CHCHD3: variants seen among roughly 807,000 people sequenced by gnomAD.
The protein encoded by CHCHD3 is coiled-coil-helix-coiled-coil-helix domain containing 3.
Under a neutral mutation model 38.2 loss-of-function variants are expected in CHCHD3, and 20 were observed. The ratio of observed to expected loss-of-function variants is 0.52; its 90% CI spans 0.37 to 0.76. CHCHD3 has a LOEUF of 0.76. Among genes scored for constraint, CHCHD3 ranks in the 30% least tolerant of loss-of-function variants. The probability of loss-of-function intolerance (pLI) is 0.00; values close to 1 mark genes in which losing one functional copy is unlikely to be tolerated. For synonymous variants in CHCHD3, 82 were observed against 100.0 expected (o/e 0.82, Z 1.07); for missense variants, 245 against 279.2 (o/e 0.88, Z 0.87).
chr7:132,948,158 C>T (rs1810942668), intron 4 of CHCHD3, among the ~76,000 whole-genome samples: 1 of 152,010 alleles, frequency 6.6e-6, no homozygotes, highest in South Asian at 2.1e-4. Flanking sequence ...CTTCCAAAAA[C>T]TCAAGAAAAA....
intron 4 of CHCHD3, among the ~76,000 whole-genome samples, chr7:132,944,869 A>G (rs1340728693): frequency 6.6e-6 from 1 of 152,076 alleles, no homozygotes; most frequent in East Asian, 1.9e-4. Context: ...AATATGTTAC[A>G]AAATTATTAT....
intron 5 of CHCHD3, among the ~76,000 whole-genome samples, chr7:132,843,396 A>G (rs911083497): frequency 6.6e-6 from 1 of 152,220 alleles, no homozygotes; most frequent in African/African-American, 2.4e-5. Flanking sequence ...CAGGGTTTCT[A>G]GAACAATGCG....
At chr7:132,851,660 A>G (rs1335854894) in intron 5 of CHCHD3, among the ~76,000 whole-genome samples, 4 of 152,218 alleles carry the variant, frequency 2.6e-5, no homozygotes, top group Non-Finnish European at 5.9e-5. Context: ...GATGTCTTGC[A>G]AGACCTCTAG....
chr7:132,904,705 T>G (rs893383219), intron 4 of CHCHD3, among the ~76,000 whole-genome samples: 5 of 152,152 alleles, frequency 3.3e-5, no homozygotes, highest in African/African-American at 1.2e-4. Flanking sequence ...GATCTAGAAC[T>G]AGAAATACCA....
chr7:132,798,949 A>G (rs188102710), intron 6 of CHCHD3, among the ~76,000 whole-genome samples: 330 of 151,462 alleles, frequency 2.2e-3, no homozygotes, highest in African/African-American at 7.6e-3. Flanking sequence ...TACTTTTATC[A>G]CCACAAATCA....
At chr7:132,815,386 G>A (rs1585538654) in intron 6 of CHCHD3, 1 of 331,084 alleles carries the variant, frequency 3.0e-6, no homozygotes, top group East Asian at 8.3e-5. Flanking sequence ...AAAATGGAAT[G>A]TTAATATATT....
At chr7:132,918,825 T>G (rs1396031392) in intron 4 of CHCHD3, among the ~76,000 whole-genome samples, 1 of 152,162 alleles carries the variant, frequency 6.6e-6, no homozygotes, top group African/African-American at 2.4e-5. Flanking sequence ...TTAATAAAAT[T>G]ATGTAATAGA....
chr7:132,918,600 T>C (rs1273290880), intron 4 of CHCHD3, among the ~76,000 whole-genome samples: 4 of 152,234 alleles, frequency 2.6e-5, no homozygotes, highest in Non-Finnish European at 5.9e-5. Flanking sequence ...GCAGATTATC[T>C]ACATTTTCAA....
At chr7:133,066,098 C>T (rs1330486095) in intron 2 of CHCHD3, among the ~76,000 whole-genome samples, 1 of 152,138 alleles carries the variant, frequency 6.6e-6, no homozygotes, top group Admixed American at 6.5e-5. Flanking sequence ...AAGCCACATG[C>T]GGTTACTGAG....
At chr7:132,820,158 T>C (rs1265965273) in intron 6 of CHCHD3, among the ~76,000 whole-genome samples, 1 of 152,158 alleles carries the variant, frequency 6.6e-6, no homozygotes, top group Non-Finnish European at 1.5e-5. Flanking sequence ...TATTTGCCAC[T>C]ACTTATCACC....
At chr7:132,834,723 T>C (rs1489656050) in intron 6 of CHCHD3, among the ~76,000 whole-genome samples, 2 of 152,168 alleles carry the variant, frequency 1.3e-5, no homozygotes, top group East Asian at 3.9e-4. Flanking sequence ...AAGCTTCCAA[T>C]GTCCTTAGGA....
intron 3 of CHCHD3, among the ~76,000 whole-genome samples, chr7:132,992,169 G>C (rs941509303): frequency 1.3e-5 from 2 of 152,120 alleles, no homozygotes; most frequent in Non-Finnish European, 2.9e-5. Flanking sequence ...CGCGTCACTC[G>C]GGCCTCACTG....
At chr7:132,862,435 T>C (rs1343977580) in intron 5 of CHCHD3, among the ~76,000 whole-genome samples, 1 of 152,164 alleles carries the variant, frequency 6.6e-6, no homozygotes, top group African/African-American at 2.4e-5. Context: ...AATAGCATTA[T>C]GTCAAAAAAA....
At chr7:133,059,194 CAGG>C (rs1352592947) in intron 2 of CHCHD3, among the ~76,000 whole-genome samples, 2 of 152,180 alleles carry the variant, frequency 1.3e-5, no homozygotes, top group Non-Finnish European at 2.9e-5. Context: ...AAAAGCCACA[CAGG>C]AGAAGATAGA....
chr7:133,024,752 C>G (rs909502345), intron 2 of CHCHD3, 125 bp from the exon 3 acceptor site: 7 of 710,658 alleles, frequency 9.9e-6, no homozygotes, highest in Middle Eastern at 2.4e-4. Context: ...AAGTGGCCAG[C>G]GTCTCCTTGG....
intron 6 of CHCHD3, among the ~76,000 whole-genome samples, chr7:132,823,467 A>T (rs1001480217): frequency 1.3e-5 from 2 of 152,228 alleles, no homozygotes; most frequent in Non-Finnish European, 2.9e-5. Context: ...TCAGTATCTT[A>T]TTGTACTCTG....
intron 6 of CHCHD3, among the ~76,000 whole-genome samples, chr7:132,798,236 T>G (rs1806672017): frequency 6.6e-6 from 1 of 152,196 alleles, no homozygotes; most frequent in African/African-American, 2.4e-5. Flanking sequence ...TTTCAACAAT[T>G]TTTCTATAAC....
chr7:132,979,127 T>TTTGCATATAAACATTCTAAAAAG (rs1182528016), intron 3 of CHCHD3, among the ~76,000 whole-genome samples: 2 of 152,202 alleles, frequency 1.3e-5, no homozygotes, highest in Non-Finnish European at 2.9e-5. Flanking sequence ...CTTATGGTCC[T>TTTGCATATAAACATTCTAAAAAG]TTGCATATAA....
At position 133,010,532 on chromosome 7, in the gene CHCHD3, C is replaced by A. The variant is rs541380422; in HGVS notation, c.251+14014G>T. Among the ~76,000 whole-genome samples, 7 of 152,174 alleles carry A rather than the reference C, an allele frequency of 4.6e-5. No homozygotes were observed. The East Asian group carries it at 9.6e-4, about 21-fold the overall frequency. ...ATATTATCGTAATTTAATATAAAAT[C>A]CCTTTTTGGTACCTACTATATGACA... On this transcript the variant is annotated intron_variant, in intron 3 of 7. Coordinates refer to ENST00000262570, the MANE Select transcript of CHCHD3 (RefSeq NM_017812.4).
Sources: allele counts gnomAD v4.1 joint callset (sites outside exome capture counted in the v4.1 genomes callset), GRCh38; gene constraint gnomAD v4.1.1; transcripts MANE v1.5; gene names NCBI Gene and HGNC (gene_info 2026-07-23, HGNC 2026-07-21).